Variants in SPATS1 observed in about 807,000 individuals in gnomAD.
The protein encoded by SPATS1 is spermatogenesis-associated serine-rich protein 1.
SPATS1 carries 23 observed loss-of-function variants against 33.6 expected under a neutral mutation model. The observed-to-expected ratio is 0.68, with a 90% CI of 0.49 to 0.97. The LOEUF (loss-of-function observed/expected upper bound fraction) is 0.97, where lower values mean the gene tolerates loss of function less well. SPATS1 is among the 50% of genes least tolerant of loss of function. SPATS1 has a pLI of 0.00. For missense variants in SPATS1, 327 were observed against 361.0 expected, an observed-to-expected ratio of 0.91 and a Z score of 0.76; for synonymous variants, 131 against 125.6, an observed-to-expected ratio of 1.04 and a Z score of -0.29.
intron 3 of SPATS1, among the ~76,000 whole-genome samples, chr6:44,354,247 T>C (rs1788428145): frequency 6.7e-6 from 1 of 149,400 alleles, no homozygotes; most frequent in Admixed American, 6.7e-5. Flanking sequence ...GTTGGGAAGA[T>C]CAGTTGAGCC....
In SPATS1 at chr6:44,373,135, T is replaced by G. The variant is rs144624439; in HGVS notation, c.758+3022T>G. On this transcript the variant is annotated intron_variant, in intron 7 of 8. Coordinates refer to ENST00000674044, the MANE Select transcript of SPATS1 (RefSeq NM_001372081.1). ...TCTTACTTTCATTTTTTTGTAAAGT[T>G]CCTTCTTCCCCAGAACTCTGCCCTG... Among the ~76,000 whole-genome samples, 450 of 152,314 alleles carry G rather than the reference T, an allele frequency of 3.0e-3. 1 individual carries two copies. The highest frequency in any genetic ancestry group is 0.011 in the African/African-American group (438 of 41,556).
Position 44,367,778 on chromosome 6 carries a change from T to C in SPATS1, c.575-601T>C, listed in dbSNP as rs888391700. ...GGTGTGTGGGTTTAAATGATCACCC[T>C]ACACTAGGCTGATGCCTTCCACTCC... On this transcript the variant is annotated intron_variant, in intron 5 of 8. Coordinates refer to ENST00000674044, the MANE Select transcript of SPATS1 (RefSeq NM_001372081.1). Among the ~76,000 whole-genome samples, 17 of 152,374 alleles carry C rather than the reference T, an allele frequency of 1.1e-4. No individual in the cohort carries two copies. The East Asian group carries it at 3.1e-3, about 28-fold the overall frequency.
In SPATS1 at chr6:44,352,741, A is replaced by G. The variant is rs1788316835; in HGVS notation, c.155A>G (p.Asp52Gly). 6.2e-7 allele frequency: 1 copy of G among 1,614,114 alleles called. No homozygotes were observed. Reference protein sequence around the residue: ...VERTYSANCSDFLESKGCFAN... With the variant: ...VERTYSANCSGFLESKGCFAN... ...TGTGTTACAGGTGCTAATTGCAGTG[A>G]TTTTCTGGAATCTAAGGGATGTTTT... is the stretch of plus-strand genomic sequence containing the variant. Residue 52 changes from aspartate to glycine, a missense_variant, in exon 3 of 9, where the codon GAT becomes GGT. Asp to Gly is a moderately conservative substitution (Grantham distance 94). Transcript: ENST00000674044.
chr6:44,371,315 A>AAAAG (rs1561960878), intron 7 of SPATS1, among the ~76,000 whole-genome samples: 3 of 151,948 alleles, frequency 2.0e-5, no homozygotes, highest in African/African-American at 7.3e-5. Context: ...AAAAAAAAAA[A>AAAAG]AGAGAGAGAA....
chr6:44,365,657 C>T (rs1789201047), intron 5 of SPATS1, among the ~76,000 whole-genome samples: 1 of 152,238 alleles, frequency 6.6e-6, no homozygotes, highest in South Asian at 2.1e-4. Flanking sequence ...ATCATCTCTG[C>T]TCACAATCTA....
At chr6:44,354,904 TC>T (rs1346590505) in intron 3 of SPATS1, among the ~76,000 whole-genome samples, 1 of 152,166 alleles carries the variant, frequency 6.6e-6, no homozygotes, top group Non-Finnish European at 1.5e-5. Context: ...AGCCCTGACC[TC>T]CCAGGCTGAA....
chr6:44,353,845 G>A (rs564392955), intron 3 of SPATS1, among the ~76,000 whole-genome samples: 1 of 151,258 alleles, frequency 6.6e-6, no homozygotes, highest in African/African-American at 2.4e-5. Context: ...AGACCATCCT[G>A]GCTAACATGG....
At chr6:44,348,257 C>A (rs966506056) in intron 2 of SPATS1, among the ~76,000 whole-genome samples, 1 of 152,070 alleles carries the variant, frequency 6.6e-6, no homozygotes, top group African/African-American at 2.4e-5. Flanking sequence ...GATCCACCTG[C>A]CTTGGCCTCC....
chr6:44,358,213 G>C (rs773476654), intron 3 of SPATS1, among the ~76,000 whole-genome samples: 1 of 152,188 alleles, frequency 6.6e-6, no homozygotes, highest in Non-Finnish European at 1.5e-5. Flanking sequence ...AAGTTGCTTT[G>C]ATGCCATTTA....
chr6:44,352,739 T>A lies in SPATS1; in HGVS notation c.153T>A (p.Ser51Arg). 6.2e-7 allele frequency: 1 copy of A among 1,614,160 alleles called. No homozygotes were observed. The highest frequency in any genetic ancestry group is 8.5e-7 in the Non-Finnish European group (1 of 1,179,992). ...EVERTYSANC[S>R]DFLESKGCFA... ...TCTGTGTTACAGGTGCTAATTGCAG[T>A]GATTTTCTGGAATCTAAGGGATGTT... Residue 51 changes from serine to arginine, a missense_variant, in exon 3 of 9, where the codon AGT becomes AGA. Transcript: ENST00000674044.
rs1790095894 is a variant in SPATS1, at chr6:44,379,280, A to G, written c.*2217A>G. Among the ~76,000 whole-genome samples the G allele has an allele frequency of 6.6e-6, 1 of 152,176 alleles. No individual in the cohort carries two copies. Among genetic ancestry groups the G allele is most frequent in the African/African-American group, 2.4e-5 (1 of 41,436 alleles). On this transcript the variant is annotated 3_prime_UTR_variant, in exon 9 of 9. Transcript: ENST00000674044. ...TGGTGTTTTGGAAGGAGGGAGTCCTACACCATAAATATATTAAGGAAAACA... is the reference window on the plus strand; with the variant it reads ...TGGTGTTTTGGAAGGAGGGAGTCCTGCACCATAAATATATTAAGGAAAACA...
rs1561963162 is a variant in SPATS1, at chr6:44,379,626, AAGAAAG to A, written c.*2565_*2570del. Among the ~76,000 whole-genome samples, 1 of 134,076 alleles carries A rather than the reference AAGAAAG, an allele frequency of 7.5e-6. No homozygotes were observed. Among genetic ancestry groups the A allele is most frequent in the Non-Finnish European group, 1.6e-5 (1 of 63,346 alleles). The allele number at this position is 134,076 out of a possible 152,430, so 88.0% of individuals were successfully genotyped here. A position where few individuals can be genotyped will look rare whatever the true frequency, so the allele number is the denominator to read the frequency against. The stretch of plus-strand genomic sequence containing the variant: ...AAAAAAAAAAAAAAAAAAAAAAAAA[AAGAAAG>A]AAAGAAAGAAAGAAAAACAACCAAA... On this transcript the variant is annotated 3_prime_UTR_variant, in exon 9 of 9. Coordinates refer to ENST00000674044, the MANE Select transcript of SPATS1 (RefSeq NM_001372081.1).
intron 3 of SPATS1, among the ~76,000 whole-genome samples, chr6:44,355,900 G>A (rs897242325): frequency 2.0e-5 from 3 of 152,282 alleles, no homozygotes; most frequent in South Asian, 2.1e-4. Flanking sequence ...GGGGAACTGC[G>A]TGATTGCTGC....
rs370266447 is a variant in SPATS1, at chr6:44,377,044, A to G, written c.884A>G (p.Asp295Gly). 1 of 1,614,082 alleles carries G rather than the reference A, an allele frequency of 6.2e-7. No homozygotes were observed. The highest frequency in any genetic ancestry group is 1.3e-5 in the African/African-American group (1 of 74,920). ...MHMLHLSGAL[D>G]FPRQS ...ATGCCTCTATCCACAGGTGCTTTGGACTTTCCAAGACAATCCTGAGCATAA... is the reference window on the plus strand; with the variant it reads ...ATGCCTCTATCCACAGGTGCTTTGGGCTTTCCAAGACAATCCTGAGCATAA... Residue 295 changes from aspartate to glycine, a missense_variant, in exon 9 of 9, where the codon GAC becomes GGC. Asp to Gly is a moderately conservative substitution (Grantham distance 94). Coordinates refer to ENST00000674044, the MANE Select transcript of SPATS1 (RefSeq NM_001372081.1).
Position 44,370,124 on chromosome 6 carries a change from TTGTCA to T in SPATS1, c.758+15_758+19del, listed in dbSNP as rs1331563085. 6.2e-7 allele frequency: 1 copy of T among 1,602,582 alleles called. No homozygotes were observed. Among genetic ancestry groups the T allele is most frequent in the East Asian group, 2.2e-5 (1 of 44,812 alleles). On this transcript the variant is annotated intron_variant, in intron 7 of 8. Coordinates refer to ENST00000674044, the MANE Select transcript of SPATS1 (RefSeq NM_001372081.1). Reference sequence around the variant, plus strand: ...TCCACAAATTCCCAAGTGAGTTCTCTTGTCATGTTTTGTGTTATCCCATCTTTATT... The same window carrying T: ...TCCACAAATTCCCAAGTGAGTTCTCTTGTTTTGTGTTATCCCATCTTTATT...
chr6:44,345,551 GAACTCTC>G (rs1363395608), intron 2 of SPATS1, among the ~76,000 whole-genome samples: 1 of 152,140 alleles, frequency 6.6e-6, no homozygotes, highest in Non-Finnish European at 1.5e-5. Context: ...TTGCTTGGGT[GAACTCTC>G]AAGTCCTATA....
intron 6 of SPATS1, among the ~76,000 whole-genome samples, chr6:44,369,498 C>T (rs113122165): frequency 0.015 from 2,271 of 151,340 alleles, 49 homozygotes; most frequent in African/African-American, 0.052. Context: ...TGCAGTGAGC[C>T]GAGATTGCAG....
At chr6:44,350,751 C>T (rs925298002) in intron 2 of SPATS1, among the ~76,000 whole-genome samples, 4 of 152,166 alleles carry the variant, frequency 2.6e-5, no homozygotes, top group Non-Finnish European at 5.9e-5. Context: ...TGGGAATTTG[C>T]ATAGTTTACA....
chr6:44,360,479 C>T lies in SPATS1; in HGVS notation c.321C>T (p.Phe107=). The T allele has an allele frequency of 6.2e-7, 1 of 1,614,180 alleles. No homozygotes were observed. The highest frequency in any genetic ancestry group is 2.2e-5 in the East Asian group (1 of 44,888). The part of the protein sequence containing the change: ...TTADLDRKLS[F]SHSDHSSEMS... ...CTGACTTGGATCGGAAACTCTCCTT[C>T]TCACATTCTGATCACTCCTCTGAAA... Residue 107 remains phenylalanine (F), a synonymous_variant, in exon 4 of 9, where the codon TTC becomes TTT. Transcript: ENST00000674044.
Sources: gnomAD v4.1 joint callset for allele counts (sites outside exome capture counted in the v4.1 genomes callset) on GRCh38, gnomAD v4.1.1 for gene constraint, MANE v1.5 for transcripts, NCBI Gene and HGNC (gene_info 2026-07-23, HGNC 2026-07-21) for gene names.